ANO1: variants seen among roughly 807,000 people sequenced by gnomAD.
ANO1 encodes anoctamin-1.
ANO1 carries 59 observed loss-of-function variants against 124.0 expected under a neutral mutation model. The ratio of observed to expected loss-of-function variants is 0.48; its 90% CI spans 0.39 to 0.59. The LOEUF is 0.59. Among genes scored for constraint, ANO1 ranks in the 20% least tolerant of loss-of-function variants. The pLI is 0.00. For synonymous variants in ANO1, 529 were observed against 532.0 expected, an observed-to-expected ratio of 0.99 and a Z score of 0.08; for missense variants, 1,059 against 1,328.0, an observed-to-expected ratio of 0.80 and a Z score of 3.15.
chr11:70,166,625 A>C (rs2048265349), intron 20 of ANO1, among the ~76,000 whole-genome samples: 1 of 152,108 alleles, frequency 6.6e-6, no homozygotes, highest in Non-Finnish European at 1.5e-5. Flanking sequence ...CTTCCCCAAG[A>C]GTCCACTTGG....
chr11:70,127,872 G>A (rs2046585946), intron 10 of ANO1, among the ~76,000 whole-genome samples: 1 of 152,208 alleles, frequency 6.6e-6, no homozygotes, highest in Admixed American at 6.5e-5. Context: ...CGTGCAAATC[G>A]CTCTGCCAGG....
Position 70,161,250 on chromosome 11 carries a change from G to A in ANO1, c.1668G>A (p.Val556=), listed in dbSNP as rs368874047. 6.2e-7 allele frequency: 1 copy of A among 1,613,896 alleles called. No homozygotes were observed. The highest frequency in any genetic ancestry group is 8.5e-7 in the Non-Finnish European group (1 of 1,179,806). Residue 556 remains valine (V), a synonymous_variant, in exon 17 of 26, where the codon GTG becomes GTA. Coordinates refer to ENST00000355303, the MANE Select transcript of ANO1 (RefSeq NM_018043.7). The part of the protein sequence containing the change: ...AALAMNSSPS[V]RSNIRVTVTA... Reference sequence around the variant, plus strand: ...TGGCCATGAACTCCTCCCCCTCCGTGCGGTCCAACATCCGGGTCACAGTCA... The same window carrying A: ...TGGCCATGAACTCCTCCCCCTCCGTACGGTCCAACATCCGGGTCACAGTCA...
At chr11:70,090,299 G>A (rs185368937) in intron 2 of ANO1, among the ~76,000 whole-genome samples, 29 of 152,276 alleles carry the variant, frequency 1.9e-4, no homozygotes, top group East Asian at 3.9e-4. Context: ...GAGCCACCGC[G>A]CCTGGCCCCT....
chr11:69,992,328 G>C (rs1162926472), intron 1 of ANO1, among the ~76,000 whole-genome samples: 1 of 152,144 alleles, frequency 6.6e-6, no homozygotes, highest in Admixed American at 6.5e-5. Context: ...GATAGTTGTT[G>C]ACAACTCATT....
At chr11:70,068,667 G>A (rs879998460) in intron 1 of ANO1, among the ~76,000 whole-genome samples, 1 of 152,112 alleles carries the variant, frequency 6.6e-6, no homozygotes, top group Non-Finnish European at 1.5e-5. Flanking sequence ...TTAACTCCTG[G>A]GAGGAGGAGG....
intron 1 of ANO1, among the ~76,000 whole-genome samples, chr11:70,040,913 A>G (rs1338620162): frequency 6.6e-6 from 1 of 152,218 alleles, no homozygotes; most frequent in Non-Finnish European, 1.5e-5. Flanking sequence ...AGAAGCCATC[A>G]GCAAATGTCA....
chr11:70,121,490 CCT>C (rs1275638311), intron 8 of ANO1, among the ~76,000 whole-genome samples: 2 of 144,832 alleles, frequency 1.4e-5, no homozygotes, highest in Admixed American at 1.4e-4. Context: ...ATCTCCCCCA[CCT>C]CTCTGTCTGT....
At position 70,078,648 on chromosome 11, in the gene ANO1, C is replaced by G. The variant is rs1294981938; in HGVS notation, c.42C>G (p.Asp14Glu). 1.3e-6 allele frequency: 2 copies of G among 1,501,882 alleles called. No individual in the cohort carries two copies. The highest frequency in any genetic ancestry group is 3.8e-5 in the Admixed American group (2 of 52,718). 93.0% of individuals were successfully genotyped at this position (1,501,882 alleles called of 1,614,324 possible). ...NEKYSTLPAE[D>E]RSVHIINICA... ...AGTACTCGACGCTCCCGGCCGAGGA[C>G]CGCAGCGTCCACATCATCAACATCT... is the stretch of plus-strand genomic sequence containing the variant. The change falls in exon 1 of 26, where the codon GAC (aspartate) becomes GAG (glutamate). Residue 14 changes from aspartate (D) to glutamate (E), a missense_variant. By Grantham distance (45) the Asp-to-Glu change is conservative (BLOSUM62 2). Transcript: ENST00000355303.
At chr11:70,040,107 G>C (rs1437342123) in intron 1 of ANO1, among the ~76,000 whole-genome samples, 4 of 152,100 alleles carry the variant, frequency 2.6e-5, no homozygotes, top group African/African-American at 9.7e-5. Context: ...CTAAGAACGT[G>C]ATCACCCTGC....
chr11:70,061,024 C>T (rs1273277164), intron 1 of ANO1, among the ~76,000 whole-genome samples: 2 of 152,060 alleles, frequency 1.3e-5, no homozygotes, highest in African/African-American at 4.8e-5. Context: ...GATACAGAGT[C>T]GGAAATATCC....
chr11:70,070,242 A>C (rs1425488280), intron 1 of ANO1, among the ~76,000 whole-genome samples: 9 of 152,096 alleles, frequency 5.9e-5, no homozygotes, highest in African/African-American at 2.2e-4. Flanking sequence ...TGACAAAATC[A>C]CCTGGAGCCG....
At position 70,162,241 on chromosome 11, in the gene ANO1, G is replaced by A. The variant is rs142463093; in HGVS notation, c.1892+508G>A. 1.2e-3 allele frequency among the ~76,000 whole-genome samples: 173 copies of A among 150,120 alleles called. 1 individual carries two copies. Among genetic ancestry groups the A allele is most frequent in the African/African-American group, 4.0e-3 (163 of 40,804 alleles). On this transcript the variant is annotated intron_variant, in intron 18 of 25. Transcript: ENST00000355303. ...GACCCCAGGCAGTGAGGACCGGGGA[G>A]TGAGGACCCGGGAGTGAGGGCCCCG... is the stretch of plus-strand genomic sequence containing the variant.
At chr11:70,018,596 A>G (rs72937671) in intron 1 of ANO1, among the ~76,000 whole-genome samples, 20,136 of 152,186 alleles carry the variant, frequency 0.13, 1,502 homozygotes, top group Admixed American at 0.2. Context: ...CTTCCAGACT[A>G]CACTGAGCAG....
At chr11:70,110,893 T>C (rs2045750381) in intron 6 of ANO1, among the ~76,000 whole-genome samples, 1 of 152,248 alleles carries the variant, frequency 6.6e-6, no homozygotes, top group South Asian at 2.1e-4. Flanking sequence ...CTCCTGGGGC[T>C]GGGCGCCCGC....
At chr11:70,055,726 G>C (rs782765677) in intron 1 of ANO1, among the ~76,000 whole-genome samples, 4 of 151,920 alleles carry the variant, frequency 2.6e-5, no homozygotes, top group Non-Finnish European at 5.9e-5. Context: ...TTTTATAGCT[G>C]TACCATTTGT....
intron 21 of ANO1, chr11:70,170,047 T>G (rs1250494839): frequency 2.4e-6 from 1 of 411,322 alleles, no homozygotes; most frequent in Non-Finnish European, 4.9e-6. Context: ...GGTGGGATGA[T>G]CCCCAGGGGG....
rs745484863 is a variant in ANO1 at position 70,105,813 on chromosome 11, C to T, written c.747+25C>T. ...TGTAAGTATCGCACGCGCCTGGAAA[C>T]GGCTCACTGGCAAGATGGCCCTGGG... On this transcript the variant is annotated intron_variant, in intron 5 of 25. Transcript: ENST00000355303. 36 of 1,610,618 alleles carry T rather than the reference C, an allele frequency of 2.2e-5. No homozygotes were observed. The Admixed American group carries it at 3.2e-4, about 14-fold the overall frequency.
intron 2 of ANO1, among the ~76,000 whole-genome samples, chr11:70,098,578 G>A (rs961457072): frequency 9.8e-5 from 15 of 152,298 alleles, no homozygotes; most frequent in East Asian, 1.9e-4. Context: ...GGTATGAAGC[G>A]GCCTGTGAGG....
At chr11:70,103,025 C>T (rs778800342) in intron 2 of ANO1, 41 bp from the exon 3 acceptor site, 1 of 1,354,802 alleles carries the variant, frequency 7.4e-7, no homozygotes, top group Non-Finnish European at 1.0e-6. Context: ...CACAGAGATG[C>T]ACCGCCCCCC....
Sources: allele counts gnomAD v4.1 joint callset (sites outside exome capture counted in the v4.1 genomes callset), GRCh38; gene constraint gnomAD v4.1.1; transcripts MANE v1.5; gene names NCBI Gene and HGNC (gene_info 2026-07-23, HGNC 2026-07-21).